FER: variants seen among roughly 807,000 people sequenced by gnomAD.
FER encodes tyrosine-protein kinase Fer.
In FER, 63 loss-of-function variants were observed where a neutral mutation model predicts 111.0. The ratio of observed to expected loss-of-function variants is 0.57; its 90% confidence interval spans 0.46 to 0.70. The LOEUF (loss-of-function observed/expected upper bound fraction) is 0.70. Among genes scored for constraint, FER ranks in the 30% least tolerant of loss-of-function variants. The probability of loss-of-function intolerance (pLI) is 0.00; values close to 1 mark genes in which losing one functional copy is unlikely to be tolerated. For missense variants in FER, 914 were observed against 954.0 expected, an observed-to-expected ratio of 0.96 and a Z score of 0.55; for synonymous variants, 327 against 313.9, an observed-to-expected ratio of 1.04 and a Z score of -0.44.
chr5:108,995,299 G>T (rs138296421), intron 13 of FER, among the ~76,000 whole-genome samples: 1 of 151,856 alleles, frequency 6.6e-6, no homozygotes, highest in South Asian at 2.1e-4. Context: ...TAAGTTCTGG[G>T]GTACATGTGC....
chr5:109,185,023 A>G (rs1758705637), intron 18 of FER, among the ~76,000 whole-genome samples: 1 of 152,196 alleles, frequency 6.6e-6, no homozygotes, highest in African/African-American at 2.4e-5. Context: ...TTTAGTTATG[A>G]TAGTATATGT....
intron 1 of FER, among the ~76,000 whole-genome samples, chr5:108,766,887 T>G (rs1372318268): frequency 1.3e-5 from 2 of 152,144 alleles, no homozygotes; most frequent in Non-Finnish European, 2.9e-5. Context: ...GTAAACTACA[T>G]ATATTGACCT....
At chr5:108,912,991 A>C (rs896703537) in intron 10 of FER, among the ~76,000 whole-genome samples, 13 of 152,194 alleles carry the variant, frequency 8.5e-5, no homozygotes, top group African/African-American at 1.2e-4. Context: ...GGCCTTGGGT[A>C]TAAGAATCAT....
At chr5:108,803,730 A>G (rs961783278) in intron 3 of FER, among the ~76,000 whole-genome samples, 11 of 151,076 alleles carry the variant, frequency 7.3e-5, no homozygotes, top group African/African-American at 2.7e-4. Context: ...TGTTTTGGTT[A>G]TTGTAGCTTT....
intron 5 of FER, among the ~76,000 whole-genome samples, chr5:108,860,347 T>C (rs561804246): frequency 1.3e-5 from 2 of 152,372 alleles, no homozygotes; most frequent in Admixed American, 1.3e-4. Flanking sequence ...TTAACTGCAT[T>C]TTGTCAGTTT....
chr5:109,044,513 G>T (rs1296968755), intron 14 of FER, among the ~76,000 whole-genome samples, 167 bp from the exon 15 acceptor site: 1 of 152,058 alleles, frequency 6.6e-6, no homozygotes, highest in Non-Finnish European at 1.5e-5. Context: ...ATATGTCCTA[G>T]CCATAGAGTA....
At chr5:109,114,015 C>T (rs115315877) in intron 17 of FER, among the ~76,000 whole-genome samples, 4 of 152,116 alleles carry the variant, frequency 2.6e-5, no homozygotes, top group East Asian at 3.9e-4. Context: ...ATTGCCCTTA[C>T]GCTTTCTAAG....
intron 13 of FER, among the ~76,000 whole-genome samples, chr5:108,970,156 C>T (rs1410383122): frequency 6.8e-6 from 1 of 148,142 alleles, no homozygotes; most frequent in Non-Finnish European, 1.5e-5. Context: ...TTTCCAAACA[C>T]TGTTTTATGC....
chr5:109,105,230 TTGTGTGTGTGTGTGTGTGTG>T (rs72106747), intron 17 of FER, among the ~76,000 whole-genome samples: 20 of 138,638 alleles, frequency 1.4e-4, no homozygotes, highest in South Asian at 4.8e-4. Context: ...CAGCTTATAT[TTGTGTGTGTGTGTGTGTGTG>T]TGTGTGTGTG....
chr5:108,887,077 C>T (rs915789269), intron 9 of FER, among the ~76,000 whole-genome samples: 3 of 151,516 alleles, frequency 2.0e-5, no homozygotes, highest in Admixed American at 6.6e-5. Flanking sequence ...TAATAATAAA[C>T]TTACATTATC....
chr5:108,953,667 A>G (rs920819693), intron 11 of FER, among the ~76,000 whole-genome samples: 1 of 152,086 alleles, frequency 6.6e-6, no homozygotes, highest in African/African-American at 2.4e-5. Context: ...AAATTACCAT[A>G]CTTTGGCCCT....
At chr5:109,029,220 CTTT>C (rs558664340) in intron 13 of FER, among the ~76,000 whole-genome samples, 1 of 109,966 alleles carries the variant, frequency 9.1e-6, no homozygotes, top group Admixed American at 8.9e-5. Flanking sequence ...TTTAGGCTTT[CTTT>C]TTTTTTTTTT....
intron 10 of FER, 82 bp from the exon 11 acceptor site, chr5:108,946,048 T>C: frequency 1.1e-6 from 1 of 879,460 alleles, no homozygotes; most frequent in Non-Finnish European, 1.8e-6. Flanking sequence ...GGATAAGCTG[T>C]GGATAAGTAC....
intron 16 of FER, among the ~76,000 whole-genome samples, chr5:109,072,480 C>T (rs557179831): frequency 4.0e-4 from 61 of 151,776 alleles, no homozygotes; most frequent in Admixed American, 1.2e-3. Context: ...TCAGATTGTG[C>T]GGTATTTTCT....
chr5:109,051,682 C>G (rs1303842212), intron 16 of FER: 58 of 1,575,548 alleles, frequency 3.7e-5, no homozygotes, highest in Non-Finnish European at 4.9e-5. Context: ...TTGAGACCCA[C>G]AGTCTTTGGC....
intron 13 of FER, among the ~76,000 whole-genome samples, chr5:109,003,527 T>G (rs1344520165): frequency 6.6e-6 from 1 of 152,012 alleles, no homozygotes; most frequent in Non-Finnish European, 1.5e-5. Flanking sequence ...AATGACGAGT[T>G]TATGAGTGCA....
chr5:108,775,701 G>C (rs1191848429), intron 2 of FER, among the ~76,000 whole-genome samples: 1 of 152,034 alleles, frequency 6.6e-6, no homozygotes, highest in Non-Finnish European at 1.5e-5. Context: ...ATATTAAATT[G>C]AGTTAGAACC....
chr5:108,804,591 A>T (rs766473705), intron 3 of FER, among the ~76,000 whole-genome samples: 3 of 152,168 alleles, frequency 2.0e-5, no homozygotes, highest in African/African-American at 4.8e-5. Flanking sequence ...AATTGAGATT[A>T]TTATATGGTT....
At chr5:108,924,039 T>C (rs1400380835) in intron 10 of FER, among the ~76,000 whole-genome samples, 7 of 151,608 alleles carry the variant, frequency 4.6e-5, no homozygotes, top group Non-Finnish European at 1.0e-4. Context: ...AGGAATAAAA[T>C]CAGGTATTTT....
Sources: gnomAD v4.1 joint callset for allele counts (sites outside exome capture counted in the v4.1 genomes callset) on GRCh38, gnomAD v4.1.1 for gene constraint, MANE v1.5 for transcripts, NCBI Gene and HGNC (gene_info 2026-07-23, HGNC 2026-07-21) for gene names.